SLC5A10: variants seen among roughly 807,000 people sequenced by gnomAD.
SLC5A10 encodes the protein sodium/mannose cotransporter SLC5A10.
In SLC5A10, 55 loss-of-function variants were observed where a neutral mutation model predicts 68.9. That is an observed-to-expected ratio of 0.80 (90% CI 0.64 to 1.00). SLC5A10 has a LOEUF of 1.00. SLC5A10 is among the 50% of genes least tolerant of loss of function. SLC5A10 has a pLI of 0.00. For synonymous variants in SLC5A10, 344 were observed against 344.8 expected (o/e 1.00, Z 0.02); for missense variants, 732 against 819.3 (o/e 0.89, Z 1.30).
chr17:18,955,085 CAAAAAAAAAAAAA>C (rs398041580), intron 1 of SLC5A10, among the ~76,000 whole-genome samples: 1 of 118,824 alleles, frequency 8.4e-6, no homozygotes, highest in Non-Finnish European at 1.7e-5. Context: ...AACACTGTAT[CAAAAAAAAAAAAA>C]AAAAAAAAAA....
Position 18,971,212 on chromosome 17 carries a change from C to T in SLC5A10, c.840C>T (p.Thr280=), listed in dbSNP as rs763852400. Residue 280 remains threonine, a synonymous_variant, in exon 8 of 15, where the codon ACC becomes ACT. Transcript: ENST00000395645. This position sits in a 1 kb window ranked among gnomAD's most constrained non-coding sequence, Gnocchi z 5.5. ...TCATGGCCACCTGGTACTGGTGCACCGACCAGGTGAGTGCCAACGTCTCCC... is the reference window on the plus strand; with the variant it reads ...TCATGGCCACCTGGTACTGGTGCACTGACCAGGTGAGTGCCAACGTCTCCC... ...LTIMATWYWC[T]DQVIVQRSLS... is the part of the protein sequence containing the mutation. 2.0e-5 allele frequency: 32 copies of T among 1,613,766 alleles called. No individual in the cohort carries two copies. Among genetic ancestry groups the T allele is most frequent in the African/African-American group, 8.0e-5 (6 of 74,928 alleles).
chr17:18,996,744 T>C lies in SLC5A10; in HGVS notation c.983-16666T>C, dbSNP rs2043579929. Among the ~76,000 whole-genome samples, 2 of 152,212 alleles carry C rather than the reference T, an allele frequency of 1.3e-5. No homozygotes were observed. ...GGGTGTCACTGTCCCAGGGCCACCCTGTCAACTAGTGGCAGAGGTCTCCTG... is the reference window on the plus strand; with the variant it reads ...GGGTGTCACTGTCCCAGGGCCACCCCGTCAACTAGTGGCAGAGGTCTCCTG... On this transcript the variant is annotated intron_variant, in intron 9 of 14. Coordinates refer to ENST00000395645, the MANE Select transcript of SLC5A10 (RefSeq NM_001042450.4). This position sits in a 1 kb window ranked among gnomAD's most constrained non-coding sequence, Gnocchi z 4.4.
upstream of SLC5A10, chr17:18,950,711 G>T (rs563929355): frequency 1.4e-4 from 135 of 982,064 alleles, no homozygotes; most frequent in African/African-American, 2.8e-4. Context: ...ATTGTTTTTT[G>T]TTGTTGTTGT....
chr17:18,960,364 C>T (rs975205953), intron 4 of SLC5A10, among the ~76,000 whole-genome samples, 184 bp from the exon 5 acceptor site: 2 of 152,240 alleles, frequency 1.3e-5, no homozygotes, highest in African/African-American at 2.4e-5. Flanking sequence ...GGGGCGCAGC[C>T]GGAGCAGCCC....
chr17:18,979,477 G>A, intron 9 of SLC5A10: 1 of 1,572,654 alleles, frequency 6.4e-7, no homozygotes, highest in Non-Finnish European at 8.7e-7. Flanking sequence ...ACCAGGGTTA[G>A]GATTAAGGGC....
rs1218321174 is a variant in SLC5A10 at position 19,015,029 on chromosome 17, C to T, written c.1091-20C>T. On this transcript the variant is annotated intron_variant, in intron 10 of 14. Transcript: ENST00000395645. ...TGTCTCAAGGCCGGACAGGGTCACA[C>T]ATCCCCCGTCCCACCCCAGGTCTGC... The T allele has an allele frequency of 1.9e-6, 3 of 1,607,932 alleles. No individual in the cohort carries two copies. The highest frequency in any genetic ancestry group is 2.2e-5 in the South Asian group (2 of 90,632).
chr17:18,960,453 GGC>G, intron 4 of SLC5A10, 93 bp from the exon 5 acceptor site: 1 of 1,032,506 alleles, frequency 9.7e-7, no homozygotes, highest in East Asian at 2.6e-5. Context: ...GCTGCTTTGT[GGC>G]GGGGGGAGAG....
chr17:18,988,552 C>G (rs1373480759), intron 9 of SLC5A10: 1 of 1,410,958 alleles, frequency 7.1e-7, no homozygotes, highest in Non-Finnish European at 9.5e-7. Context: ...GAGCCTCAGG[C>G]CCGGGACCAG....
intron 9 of SLC5A10, among the ~76,000 whole-genome samples, chr17:18,987,283 G>C (rs2043294307): frequency 6.6e-6 from 1 of 152,212 alleles, no homozygotes; most frequent in African/African-American, 2.4e-5. Context: ...CATGGGGTAT[G>C]TGGCTCCATT....
chr17:18,983,262 C>T (rs1040735441), intron 9 of SLC5A10, among the ~76,000 whole-genome samples: 1 of 152,252 alleles, frequency 6.6e-6, no homozygotes, highest in Admixed American at 6.5e-5. Flanking sequence ...TAATTTCACC[C>T]TCACACAACC....
At chr17:18,951,256 C>A (rs897770182), upstream of SLC5A10, among the ~76,000 whole-genome samples, 1 of 152,248 alleles carries the variant, frequency 6.6e-6, no homozygotes, top group African/African-American at 2.4e-5. Context: ...GCGTCCCACT[C>A]TGATGGAATC....
At chr17:18,951,048 G>A (rs1329045559), upstream of SLC5A10, among the ~76,000 whole-genome samples, 2 of 152,204 alleles carry the variant, frequency 1.3e-5, no homozygotes, top group Non-Finnish European at 2.9e-5. Flanking sequence ...CGCACCTCAG[G>A]GTTATTGAGT....
chr17:18,955,085 C>CAAAAA (rs398041580), intron 1 of SLC5A10, among the ~76,000 whole-genome samples: 4 of 118,806 alleles, frequency 3.4e-5, no homozygotes, highest in Admixed American at 9.4e-5. Flanking sequence ...AACACTGTAT[C>CAAAAA]AAAAAAAAAA....
chr17:18,954,866 T>C (rs1276770067), intron 1 of SLC5A10, among the ~76,000 whole-genome samples: 1 of 151,028 alleles, frequency 6.6e-6, no homozygotes, highest in African/African-American at 2.4e-5. Context: ...AGGTCAGGAG[T>C]TTGAGACCAG....
rs1567777691 is a variant in SLC5A10, at chr17:18,959,791, GCCCGAC to G, written c.348+129_348+134del. 405 of 799,220 alleles carry G rather than the reference GCCCGAC, an allele frequency of 5.1e-4. 3 individuals carry two copies. The highest frequency in any genetic ancestry group is 1.9e-3 in the African/African-American group (112 of 58,822). 49.5% of individuals were successfully genotyped at this position (799,220 alleles called of 1,614,324 possible). A position where few individuals can be genotyped will look rare whatever the true frequency, so the allele number is the denominator to read the frequency against. ...ACTCTTAGGGCTGGGTTTGCTATTA[GCCCGAC>G]TAATATTTCTATCAACCTGCTAAGG... On this transcript the variant is annotated intron_variant, in intron 4 of 14. Coordinates refer to ENST00000395645, the MANE Select transcript of SLC5A10 (RefSeq NM_001042450.4).
In SLC5A10 at chr17:19,017,293, A is replaced by G; in HGVS notation, c.1241+2094A>G. The G allele has an allele frequency of 6.4e-7, 1 of 1,551,798 alleles. No homozygotes were observed. The highest frequency in any genetic ancestry group is 8.7e-7 in the Non-Finnish European group (1 of 1,146,934). On this transcript the variant is annotated intron_variant, in intron 11 of 14. Transcript: ENST00000395645. This position sits in a 1 kb window ranked among gnomAD's most constrained non-coding sequence, Gnocchi z 5.6. ...CCCGTCCCTCTTACAGCACTGGGATACCCTCAACACCCCCAGCCCCTCAAA... is the reference window on the plus strand; with the variant it reads ...CCCGTCCCTCTTACAGCACTGGGATGCCCTCAACACCCCCAGCCCCTCAAA...
At position 19,003,908 on chromosome 17, in the gene SLC5A10, G is replaced by A; in HGVS notation, c.983-9502G>A. 6.2e-7 allele frequency: 1 copy of A among 1,612,972 alleles called. No individual in the cohort carries two copies. Among genetic ancestry groups the A allele is most frequent in the Non-Finnish European group, 8.5e-7 (1 of 1,179,940 alleles). ...CTCCCGCTTGAGCACCTCGTAGAAG[G>A]CGTCCCGGCCGCGGGCCACCAGGGC... On this transcript the variant is annotated intron_variant, in intron 9 of 14. Coordinates refer to ENST00000395645, the MANE Select transcript of SLC5A10 (RefSeq NM_001042450.4). The surrounding 1 kb of genome is among the most constrained non-coding windows in gnomAD (Gnocchi z 4.5).
chr17:19,019,903 T>A lies in SLC5A10; in HGVS notation c.1601T>A (p.Leu534Gln). ...SGAVVVAGSL[L>Q]TPPPQSVQIE... ...GCTGTTGTGGTGGCTGGAAGCCTGC[T>A]GACCCCACCCCCACAGAGTGTCCAG... The change falls in exon 13 of 15, where the codon CTG becomes CAG. Residue 534 changes from leucine to glutamine, a missense_variant. Leu to Gln is a moderately radical substitution (Grantham distance 113). Transcript: ENST00000395645. 6.2e-7 allele frequency: 1 copy of A among 1,609,808 alleles called. No homozygotes were observed. The highest frequency in any genetic ancestry group is 8.5e-7 in the Non-Finnish European group (1 of 1,178,768).
At chr17:18,981,579 C>T (rs542854815) in intron 9 of SLC5A10, among the ~76,000 whole-genome samples, 1 of 152,260 alleles carries the variant, frequency 6.6e-6, no homozygotes, top group Non-Finnish European at 1.5e-5. Flanking sequence ...AGCCTCCTGC[C>T]CTGCCAGTCC....
Sources: allele counts gnomAD v4.1 joint callset (sites outside exome capture counted in the v4.1 genomes callset), GRCh38; gene constraint gnomAD v4.1.1; non-coding constraint Gnocchi (gnomAD v3.1); transcripts MANE v1.5; gene names NCBI Gene and HGNC (gene_info 2026-07-23, HGNC 2026-07-21).